Variants in NDST3 observed in about 807,000 individuals in gnomAD.
NDST3 encodes bifunctional heparan sulfate N-deacetylase/N-sulfotransferase 3.
Under a neutral mutation model 96.1 loss-of-function variants are expected in NDST3, and 58 were observed. The ratio of observed to expected loss-of-function variants is 0.60; its 90% CI spans 0.49 to 0.75. The LOEUF is 0.75. Among genes scored for constraint, NDST3 ranks in the 30% least tolerant of loss-of-function variants. The pLI is 0.00. For synonymous variants in NDST3, 333 were observed against 359.7 expected, an observed-to-expected ratio of 0.93 and a Z score of 0.84; for missense variants, 788 against 1,034.2, an observed-to-expected ratio of 0.76 and a Z score of 3.27.
At chr4:118,122,206 C>A (rs1731647517) in intron 4 of NDST3, among the ~76,000 whole-genome samples, 1 of 152,174 alleles carries the variant, frequency 6.6e-6, no homozygotes, top group Non-Finnish European at 1.5e-5. Flanking sequence ...GAAACTCATA[C>A]TAGTGGGCTG....
Position 118,138,232 on chromosome 4 carries a change from A to C in NDST3, c.1403A>C (p.Asn468Thr). 3 of 1,613,470 alleles carry C rather than the reference A, an allele frequency of 1.9e-6. No individual in the cohort carries two copies. Among genetic ancestry groups the C allele is most frequent in the Non-Finnish European group, 2.5e-6 (3 of 1,179,680 alleles). ...ARYRRGFIHK[N>T]IMVLPRQTCG... ...TACCGGAGGGGTTTTATCCACAAAA[A>C]CATCATGGTGAGCTTCCTCCAGTAT... Residue 468 changes from asparagine to threonine, a missense_variant, in exon 5 of 14, where the codon AAC (asparagine) becomes ACC (threonine). By Grantham distance (65) the Asn-to-Thr change is moderately conservative (BLOSUM62 0). This residue lies in a region of NDST3 where 490 missense variants were observed against 708.8 expected (regional missense o/e 0.69). Transcript: ENST00000296499.
At chr4:118,213,198 T>C (rs866345152) in intron 6 of NDST3, among the ~76,000 whole-genome samples, 10 of 152,204 alleles carry the variant, frequency 6.6e-5, no homozygotes, top group Admixed American at 1.3e-4. Context: ...ACAATTTTTC[T>C]CACAGCTCGA....
intron 6 of NDST3, among the ~76,000 whole-genome samples, chr4:118,165,145 A>G (rs1406659571): frequency 2.0e-5 from 3 of 152,144 alleles, no homozygotes; most frequent in African/African-American, 7.2e-5. Context: ...AGCTGAATGG[A>G]TAACAAAAAC....
chr4:118,197,923 C>A (rs1380809225), intron 6 of NDST3, among the ~76,000 whole-genome samples: 1 of 151,664 alleles, frequency 6.6e-6, no homozygotes, highest in African/African-American at 2.4e-5. Context: ...CCTCAGCCTC[C>A]TGAGTAGCTG....
intron 12 of NDST3, among the ~76,000 whole-genome samples, chr4:118,246,703 A>G (rs968681240): frequency 2.0e-5 from 3 of 152,306 alleles, no homozygotes; most frequent in Non-Finnish European, 4.4e-5. Flanking sequence ...TATGGCAGAA[A>G]CCAACTCTTC....
At chr4:118,132,829 T>C (rs1028372992) in intron 4 of NDST3, among the ~76,000 whole-genome samples, 33 of 152,122 alleles carry the variant, frequency 2.2e-4, no homozygotes, top group African/African-American at 7.5e-4. Flanking sequence ...TTCCCTTTTG[T>C]CCTAGAGTAT....
At chr4:118,089,497 TAA>T (rs1029446778) in intron 2 of NDST3, among the ~76,000 whole-genome samples, 1 of 151,954 alleles carries the variant, frequency 6.6e-6, no homozygotes, top group African/African-American at 2.4e-5. Flanking sequence ...TTTCCCAGTT[TAA>T]GAGTCATCTG....
intron 6 of NDST3, among the ~76,000 whole-genome samples, chr4:118,173,790 C>T (rs1324563943): frequency 6.6e-6 from 1 of 152,076 alleles, no homozygotes; most frequent in East Asian, 1.9e-4. Flanking sequence ...GCCACTCTTT[C>T]CTTTAAGGGT....
rs778561894 is a variant in NDST3 at position 118,233,106 on chromosome 4, T to C, written c.1914T>C (p.Asn638=). The stretch of plus-strand genomic sequence containing the variant: ...CCTTTGAGGAGGTACAGTTCTTTAA[T>C]AGAAATAACTACCACAGGGGGATTG... ...PKTFEEVQFF[N]RNNYHRGIDW... is the part of the protein sequence containing the mutation. The change falls in exon 9 of 14, where the codon AAT becomes AAC. Residue 638 remains asparagine (N), a synonymous_variant. Transcript: ENST00000296499. 2.9e-5 allele frequency: 47 copies of C among 1,612,404 alleles called. No homozygotes were observed. Among genetic ancestry groups the C allele is most frequent in the Non-Finnish European group, 3.4e-5 (40 of 1,178,652 alleles).
intron 6 of NDST3, among the ~76,000 whole-genome samples, chr4:118,152,994 C>T (rs968040735): frequency 6.6e-6 from 1 of 152,180 alleles, no homozygotes; most frequent in Non-Finnish European, 1.5e-5. Flanking sequence ...ACATGCCCCC[C>T]ACTTCTAAAC....
chr4:118,236,935 A>G, intron 9 of NDST3, 111 bp from the exon 10 acceptor site: 1 of 769,916 alleles, frequency 1.3e-6, no homozygotes, highest in Non-Finnish European at 1.9e-6. Flanking sequence ...CTGTAAAGAA[A>G]AAGCCTTTTA....
At chr4:118,220,331 C>A (rs1297896120) in intron 6 of NDST3, among the ~76,000 whole-genome samples, 1 of 151,898 alleles carries the variant, frequency 6.6e-6, no homozygotes, top group East Asian at 1.9e-4. Context: ...AAGCCATCAT[C>A]TTCAGCAAAC....
At chr4:118,060,594 T>C (rs1725814853) in intron 2 of NDST3, among the ~76,000 whole-genome samples, 1 of 152,146 alleles carries the variant, frequency 6.6e-6, no homozygotes, top group African/African-American at 2.4e-5. Flanking sequence ...CTACTTTATT[T>C]TGTGCTTTAT....
At chr4:118,177,068 T>C (rs1461553865) in intron 6 of NDST3, among the ~76,000 whole-genome samples, 1 of 151,904 alleles carries the variant, frequency 6.6e-6, no homozygotes, top group Non-Finnish European at 1.5e-5. Flanking sequence ...GCAAATCAGG[T>C]GATAGAACCA....
intron 6 of NDST3, among the ~76,000 whole-genome samples, chr4:118,171,504 G>C (rs911315855): frequency 6.7e-6 from 1 of 150,102 alleles, no homozygotes; most frequent in Non-Finnish European, 1.5e-5. Flanking sequence ...TAATCCACTG[G>C]GGTTTTTTTG....
At chr4:118,055,411 A>G (rs1014291736) in intron 2 of NDST3, 3 of 175,206 alleles carry the variant, frequency 1.7e-5, no homozygotes, top group African/African-American at 4.8e-5. Flanking sequence ...AAGATCAATG[A>G]CTGTATAAGC....
chr4:118,052,525 T>C (rs1414364129), intron 1 of NDST3, among the ~76,000 whole-genome samples: 1 of 151,742 alleles, frequency 6.6e-6, no homozygotes, highest in Non-Finnish European at 1.5e-5. Flanking sequence ...GTGTACCCTC[T>C]AAAATAACGG....
At chr4:118,253,450 T>C (rs1334006095) in intron 12 of NDST3, 49 bp from the exon 13 acceptor site, 5 of 1,304,404 alleles carry the variant, frequency 3.8e-6, no homozygotes, top group South Asian at 3.7e-5. Flanking sequence ...TATAAATTGG[T>C]TGAAAAATGA....
At chr4:118,072,305 TA>T (rs1435936948) in intron 2 of NDST3, among the ~76,000 whole-genome samples, 1 of 152,184 alleles carries the variant, frequency 6.6e-6, no homozygotes, top group Non-Finnish European at 1.5e-5. Flanking sequence ...ACTGAATCTG[TA>T]AATTGCTTTG....
Sources: gnomAD v4.1 joint callset for allele counts (sites outside exome capture counted in the v4.1 genomes callset) on GRCh38, gnomAD v4.1.1 for gene constraint, gnomAD v4.1.1 regional missense constraint, MANE v1.5 for transcripts, NCBI Gene and HGNC (gene_info 2026-07-23, HGNC 2026-07-21) for gene names.